The following GNG7 variants were observed in gnomAD, a reference collection of about 807,000 sequenced individuals.
The protein encoded by GNG7 is guanine nucleotide-binding protein G(I)/G(S)/G(O) subunit gamma-7.
GNG7 carries 1 observed loss-of-function variant against 4.0 expected under a neutral mutation model. The ratio of observed to expected loss-of-function variants is 0.25; its 90% confidence interval spans 0.09 to 1.18. GNG7 has a LOEUF of 1.18. Ranked by LOEUF, GNG7 falls within the 50% of genes most tolerant of loss-of-function variation. GNG7 has a pLI of 0.50. For missense variants in GNG7, 86 were observed against 91.9 expected (o/e 0.94, Z 0.26); for synonymous variants, 34 against 36.9 (o/e 0.92, Z 0.29).
chr19:2,524,118 G>A (rs1055852725), intron 3 of GNG7, among the ~76,000 whole-genome samples: 2 of 152,252 alleles, frequency 1.3e-5, no homozygotes, highest in African/African-American at 4.8e-5. Context: ...TCCTTGGAAG[G>A]CCAGGGGGTC....
intron 2 of GNG7, among the ~76,000 whole-genome samples, chr19:2,565,749 A>C (rs1480557217): frequency 3.9e-5 from 6 of 152,170 alleles, no homozygotes; most frequent in Non-Finnish European, 1.5e-5. Context: ...AGTTACCGGC[A>C]GCTCAGGGTG....
chr19:2,553,577 T>G (rs1016188681), intron 3 of GNG7, among the ~76,000 whole-genome samples: 8 of 149,366 alleles, frequency 5.4e-5, no homozygotes, highest in Admixed American at 3.4e-4. Context: ...ATAAATCATA[T>G]CACATACACG....
chr19:2,602,962 CTTTCTT>C lies in GNG7; in HGVS notation c.-78+43256_-78+43261del, dbSNP rs1981258113. 3.2e-5 allele frequency among the ~76,000 whole-genome samples: 4 copies of C among 123,744 alleles called. No homozygotes were observed. The South Asian group carries it at 8.9e-4, about 27-fold the overall frequency. 81.2% of individuals were successfully genotyped at this position (123,744 alleles called of 152,430 possible). ...TTCTTCCTTTCTTTCTTTTCTTTCT[CTTTCTT>C]TCTTTCTCTCTCTCTTTCCTTCCTT... On this transcript the variant is annotated intron_variant, in intron 2 of 4. Transcript: ENST00000382159.
intron 2 of GNG7, among the ~76,000 whole-genome samples, chr19:2,592,741 AAGGGG>A (rs80288068): frequency 1.6e-5 from 1 of 62,904 alleles, no homozygotes; most frequent in Non-Finnish European, 2.9e-5. Flanking sequence ...AGAGGGAAGG[AAGGGG>A]AGGGGAGGGG....
At chr19:2,542,691 T>C (rs987190627) in intron 3 of GNG7, among the ~76,000 whole-genome samples, 5 of 152,156 alleles carry the variant, frequency 3.3e-5, no homozygotes, top group African/African-American at 4.8e-5. Context: ...AGTAGTTTCT[T>C]ATGCAGTGTA....
chr19:2,615,119 G>T lies in GNG7; in HGVS notation c.-78+31105C>A, dbSNP rs890069491. Among the ~76,000 whole-genome samples, 13 of 152,168 alleles carry T rather than the reference G, an allele frequency of 8.5e-5. No individual in the cohort carries two copies. The East Asian group carries it at 1.3e-3, about 16-fold the overall frequency. Reference sequence around the variant, plus strand: ...CCCCGCTTTCTAGGCCACTTTCGGGGTACTGGGCGGCCACTGTCTGGTCTG... The same window carrying T: ...CCCCGCTTTCTAGGCCACTTTCGGGTTACTGGGCGGCCACTGTCTGGTCTG... On this transcript the variant is annotated intron_variant, in intron 2 of 4. Transcript: ENST00000382159.
intron 3 of GNG7, among the ~76,000 whole-genome samples, chr19:2,554,157 T>G (rs1042539941): frequency 6.9e-6 from 1 of 145,126 alleles, no homozygotes; most frequent in Non-Finnish European, 1.5e-5. Flanking sequence ...CTATAATATA[T>G]TATATATAAT....
At chr19:2,517,445 A>G (rs1599368939) in intron 4 of GNG7, among the ~76,000 whole-genome samples, 1 of 151,690 alleles carries the variant, frequency 6.6e-6, no homozygotes, top group Non-Finnish European at 1.5e-5. Flanking sequence ...GCTCACTGCA[A>G]CCTCCGCCCC....
At chr19:2,692,102 G>C (rs1599464774) in intron 1 of GNG7, among the ~76,000 whole-genome samples, 1 of 152,166 alleles carries the variant, frequency 6.6e-6, no homozygotes, top group African/African-American at 2.4e-5. Context: ...ATACATTTCT[G>C]TTATTTTACC....
chr19:2,524,419 G>A (rs1285647975), intron 3 of GNG7, among the ~76,000 whole-genome samples: 1 of 152,218 alleles, frequency 6.6e-6, no homozygotes, highest in Non-Finnish European at 1.5e-5. Flanking sequence ...ATGTCAGTGT[G>A]CACATGTGTA....
At chr19:2,604,623 G>A (rs1200862697) in intron 2 of GNG7, among the ~76,000 whole-genome samples, 1 of 112,188 alleles carries the variant, frequency 8.9e-6, no homozygotes, top group African/African-American at 3.7e-5. Flanking sequence ...CTGGGCAACG[G>A]AGCAAGACCC....
chr19:2,608,992 C>T (rs1981478298), intron 2 of GNG7, among the ~76,000 whole-genome samples: 2 of 151,166 alleles, frequency 1.3e-5, no homozygotes, highest in African/African-American at 2.4e-5. Context: ...AACATCATGC[C>T]TACCTAGTTC....
At position 2,684,042 on chromosome 19, in the gene GNG7, C is replaced by T. The variant is rs111920376; in HGVS notation, c.-135+18604G>A. Among the ~76,000 whole-genome samples the T allele has an allele frequency of 3.3e-3, 507 of 151,974 alleles. 3 individuals are homozygous for T. The highest frequency in any genetic ancestry group is 0.012 in the African/African-American group (488 of 41,472). ...TGGGTTTAAAAATAAATGATGGGGC[C>T]GGGCGCGGTGGCTCACGCCTGTAAT... On this transcript the variant is annotated intron_variant, in intron 1 of 4. Transcript: ENST00000382159.
rs568828157 is a variant in GNG7, at chr19:2,576,216, C to T, written c.-77-21028G>A. On this transcript the variant is annotated intron_variant, in intron 2 of 4. Coordinates refer to ENST00000382159, the MANE Select transcript of GNG7 (RefSeq NM_052847.3). ...TCCAAGACTGAGTTTCCCAACCCACCGCAGTGGGGCGGCCTCGGATGACGT... is the reference window on the plus strand; with the variant it reads ...TCCAAGACTGAGTTTCCCAACCCACTGCAGTGGGGCGGCCTCGGATGACGT... 4.7e-4 allele frequency among the ~76,000 whole-genome samples: 72 copies of T among 152,382 alleles called. 1 individual carries two copies. In the East Asian group the frequency reaches 8.5e-3, roughly 18 times the overall value.
intron 2 of GNG7, among the ~76,000 whole-genome samples, chr19:2,575,566 CACACGCAG>C (rs1264919265): frequency 8.0e-4 from 67 of 83,320 alleles, no homozygotes; most frequent in East Asian, 2.3e-3. Flanking sequence ...CACACGCAGG[CACACGCAG>C]ACACGCAGGC....
At chr19:2,568,485 CTT>C (rs1288324575) in intron 2 of GNG7, among the ~76,000 whole-genome samples, 2 of 151,536 alleles carry the variant, frequency 1.3e-5, no homozygotes, top group African/African-American at 4.9e-5. Context: ...TACACACAGA[CTT>C]ACGCACATAC....
rs141962360 is a variant in GNG7, at chr19:2,541,968, G to A, written c.-38+13181C>T. Among the ~76,000 whole-genome samples, 405 of 152,102 alleles carry A rather than the reference G, an allele frequency of 2.7e-3. 2 individuals are homozygous for A. The highest frequency in any genetic ancestry group is 9.3e-3 in the African/African-American group (384 of 41,502). On this transcript the variant is annotated intron_variant, in intron 3 of 4. Coordinates refer to ENST00000382159, the MANE Select transcript of GNG7 (RefSeq NM_052847.3). ...TGATCAGGGCCGAGGGCTGAGATGG[G>A]AAGAAATGGTGCTTCTGTACCCAGT...
chr19:2,523,938 A>C (rs954028200), intron 3 of GNG7, among the ~76,000 whole-genome samples: 1 of 152,202 alleles, frequency 6.6e-6, no homozygotes, highest in Non-Finnish European at 1.5e-5. Flanking sequence ...CTGGAGGCAG[A>C]GCCCACGTGT....
At chr19:2,588,281 T>A (rs1980736065) in intron 2 of GNG7, among the ~76,000 whole-genome samples, 1 of 151,782 alleles carries the variant, frequency 6.6e-6, no homozygotes. Flanking sequence ...ACTGGGAGAG[T>A]CCGGCTGAAT....
Sources: allele counts gnomAD v4.1 joint callset (sites outside exome capture counted in the v4.1 genomes callset), GRCh38; gene constraint gnomAD v4.1.1; transcripts MANE v1.5; gene names NCBI Gene and HGNC (gene_info 2026-07-23, HGNC 2026-07-21).